Variants in GOLGA4 observed in about 807,000 individuals in gnomAD.
The protein encoded by GOLGA4 is golgin subfamily A member 4.
Under a neutral mutation model 265.9 loss-of-function variants are expected in GOLGA4, and 169 were observed. The ratio of observed to expected loss-of-function variants is 0.64; its 90% CI spans 0.56 to 0.72. The LOEUF is 0.72. Ranked by LOEUF, GOLGA4 falls within the 30% of genes least tolerant of loss-of-function variation. The pLI, the probability that GOLGA4 is intolerant of heterozygous loss-of-function variation, is 0.00. For missense variants in GOLGA4, 2,482 were observed against 2,483.4 expected (o/e 1.00, Z 0.01); for synonymous variants, 923 against 855.8 (o/e 1.08, Z -1.37).
rs144597090 is a variant in GOLGA4 at position 37,337,654 on chromosome 3, T to C, written c.6328-12T>C. The C allele has an allele frequency of 2.9e-3, 4,639 of 1,593,194 alleles. 9 individuals carry two copies. The highest frequency in any genetic ancestry group is 3.5e-3 in the Non-Finnish European group (4,108 of 1,160,918). The stretch of plus-strand genomic sequence containing the variant: ...CTATGTGCATTTCAGATCTGACTTT[T>C]TGTTCTTTCAGACACAGCTAGCACA... On this transcript the variant is annotated splice_polypyrimidine_tract_variant and intron_variant, in intron 18 of 23. Transcript: ENST00000361924.
intron 2 of GOLGA4, among the ~76,000 whole-genome samples, chr3:37,265,602 A>G (rs1376884793): frequency 6.6e-6 from 1 of 152,186 alleles, no homozygotes; most frequent in African/African-American, 2.4e-5. Context: ...AATGTATACA[A>G]TTTGATGAAT....
intron 23 of GOLGA4, among the ~76,000 whole-genome samples, chr3:37,361,575 A>G (rs1027238284): frequency 5.9e-5 from 9 of 152,252 alleles, no homozygotes; most frequent in Non-Finnish European, 1.3e-4. Context: ...TTTGTTAAAG[A>G]ATCCAAAAAA....
At chr3:37,310,040 T>C (rs2096918790) in intron 10 of GOLGA4, among the ~76,000 whole-genome samples, 2 of 152,262 alleles carry the variant, frequency 1.3e-5, no homozygotes, top group South Asian at 4.1e-4. Context: ...TCATTTTGTT[T>C]GTTTGTTTTT....
chr3:37,261,336 T>C (rs1269354741), intron 2 of GOLGA4, among the ~76,000 whole-genome samples: 1 of 152,120 alleles, frequency 6.6e-6, no homozygotes, highest in East Asian at 1.9e-4. Flanking sequence ...ATGGAAGTAG[T>C]AGATAAAACT....
intron 20 of GOLGA4, among the ~76,000 whole-genome samples, chr3:37,343,265 G>A (rs546562798): frequency 1.3e-5 from 2 of 152,358 alleles, no homozygotes; most frequent in East Asian, 3.9e-4. Flanking sequence ...GGGATTATAG[G>A]CATGCGCCTC....
Position 37,257,981 on chromosome 3 carries a change from A to G in GOLGA4, c.162+6497A>G, listed in dbSNP as rs867174679. Reference sequence around the variant, plus strand: ...TATATGTATATATACATACATATATATATGTATGTATATATGTATATATAC... The same window carrying G: ...TATATGTATATATACATACATATATGTATGTATGTATATATGTATATATAC... On this transcript the variant is annotated intron_variant, in intron 2 of 23. Transcript: ENST00000361924. Among the ~76,000 whole-genome samples the G allele has an allele frequency of 5.5e-4, 57 of 103,508 alleles. 6 individuals carry two copies. Among genetic ancestry groups the G allele is most frequent in the Middle Eastern group, 5.6e-3 (1 of 180 alleles). The allele number at this position is 103,508 out of a possible 152,430, so 67.9% of individuals were successfully genotyped here. A position where few individuals can be genotyped will look rare whatever the true frequency, so the allele number is the denominator to read the frequency against.
rs1169565640 is a variant in GOLGA4, at chr3:37,315,547, T to C, written c.1362T>C (p.Ser454=). Residue 454 remains serine, a synonymous_variant, in exon 11 of 24, where the codon AGT becomes AGC. Coordinates refer to ENST00000361924, the MANE Select transcript of GOLGA4 (RefSeq NM_002078.5). ...IEKTSEEERI[S]LQQELSRVKQ... is the part of the protein sequence containing the mutation. Reference sequence around the variant, plus strand: ...AAACAAGTGAGGAGGAACGCATCAGTCTTCAACAGGAATTAAGTCGGGTGA... The same window carrying C: ...AAACAAGTGAGGAGGAACGCATCAGCCTTCAACAGGAATTAAGTCGGGTGA... 6.2e-7 allele frequency: 1 copy of C among 1,613,992 alleles called. No individual in the cohort carries two copies. Among genetic ancestry groups the C allele is most frequent in the Admixed American group, 1.7e-5 (1 of 60,010 alleles).
intron 1 of GOLGA4, 198 bp downstream of exon 1, chr3:37,243,820 A>G (rs1227225945): frequency 1.2e-5 from 7 of 585,934 alleles, no homozygotes; most frequent in East Asian, 5.7e-5. Flanking sequence ...TCCCATCGCA[A>G]AACTTCATCC....
At chr3:37,301,721 T>C (rs915166375) in intron 9 of GOLGA4, among the ~76,000 whole-genome samples, 3 of 152,244 alleles carry the variant, frequency 2.0e-5, no homozygotes, top group Non-Finnish European at 1.5e-5. Context: ...TTGTGAAGTA[T>C]TGAAATAATT....
intron 13 of GOLGA4, among the ~76,000 whole-genome samples, chr3:37,322,659 C>T (rs1421152651): frequency 2.0e-5 from 3 of 152,064 alleles, no homozygotes; most frequent in African/African-American, 4.8e-5. Flanking sequence ...ACTTTAATTT[C>T]GTCACCTGTC....
intron 16 of GOLGA4, among the ~76,000 whole-genome samples, chr3:37,330,745 C>T (rs1239133675): frequency 3.3e-5 from 5 of 151,946 alleles, no homozygotes; most frequent in Non-Finnish European, 7.4e-5. Context: ...TAATGCAAGC[C>T]GGCCAGGCAC....
chr3:37,311,147 T>G (rs1389946345), intron 10 of GOLGA4, among the ~76,000 whole-genome samples: 1 of 152,162 alleles, frequency 6.6e-6, no homozygotes, highest in African/African-American at 2.4e-5. Flanking sequence ...ATATCCTCTT[T>G]AAACATAGTG....
intron 23 of GOLGA4, 115 bp downstream of exon 23, chr3:37,361,420 T>TG: frequency 4.8e-6 from 3 of 630,148 alleles, no homozygotes; most frequent in Non-Finnish European, 8.4e-6. Flanking sequence ...GATTATGCTA[T>TG]GGGTTAATAT....
chr3:37,308,163 G>T (rs1048511903), intron 10 of GOLGA4, among the ~76,000 whole-genome samples: 2 of 151,758 alleles, frequency 1.3e-5, no homozygotes, highest in African/African-American at 2.4e-5. Context: ...AACCTGGGAG[G>T]CAGAGGTTGC....
Position 37,339,987 on chromosome 3 carries a change from T to C in GOLGA4, c.6397-137T>C, listed in dbSNP as rs2097027681. 2.2e-5 allele frequency: 10 copies of C among 451,908 alleles called. No homozygotes were observed. In the East Asian group the frequency reaches 3.6e-4, roughly 16 times the overall value. 28.0% of individuals were successfully genotyped at this position (451,908 alleles called of 1,614,324 possible). On this transcript the variant is annotated intron_variant, in intron 19 of 23. Transcript: ENST00000361924. ...TTTTTCGCAGAAACAATTCTTGCTC[T>C]AAACCATTTGTCTTAATTTTATTTG...
At chr3:37,360,020 A>G (rs77602569) in intron 22 of GOLGA4, among the ~76,000 whole-genome samples, 2,093 of 152,264 alleles carry the variant, frequency 0.014, 46 homozygotes, top group African/African-American at 0.048. Context: ...GTCCCTCATG[A>G]TCTTCAGCCT....
intron 21 of GOLGA4, among the ~76,000 whole-genome samples, chr3:37,348,489 G>A (rs563530088): frequency 3.3e-4 from 50 of 151,972 alleles, no homozygotes; most frequent in Non-Finnish European, 1.2e-4. Flanking sequence ...CAAAACTAAC[G>A]AAATACAGCT....
At chr3:37,365,977 T>C in intron 23 of GOLGA4, 103 bp from the exon 24 acceptor site, 3 of 1,004,814 alleles carry the variant, frequency 3.0e-6, no homozygotes, top group Non-Finnish European at 4.4e-6. Context: ...TGGAATAGAA[T>C]TTTATTTCAA....
rs1314097911 is a variant in GOLGA4 at position 37,334,959 on chromosome 3, C to T, written c.6193-94C>T. 4.6e-6 allele frequency: 3 copies of T among 659,076 alleles called. No homozygotes were observed. In the East Asian group the frequency reaches 8.2e-5, roughly 18 times the overall value. 40.8% of individuals were successfully genotyped at this position (659,076 alleles called of 1,614,324 possible). On this transcript the variant is annotated intron_variant, in intron 16 of 23. Coordinates refer to ENST00000361924, the MANE Select transcript of GOLGA4 (RefSeq NM_002078.5). ...CCTACAGAGGTAGTTTTCTCTATAC[C>T]ATGTTGCCTCTCCAGAGTGCTTTTT...
Sources: allele counts gnomAD v4.1 joint callset (sites outside exome capture counted in the v4.1 genomes callset), GRCh38; gene constraint gnomAD v4.1.1; transcripts MANE v1.5; gene names NCBI Gene and HGNC (gene_info 2026-07-23, HGNC 2026-07-21).